Variants in CTNNA2 observed in about 807,000 individuals in gnomAD.
CTNNA2 encodes catenin alpha 2.
A neutral mutation model predicts 101.0 loss-of-function variants in CTNNA2; 42 were observed. The observed-to-expected ratio is 0.42, with a 90% CI of 0.32 to 0.54. The LOEUF (loss-of-function observed/expected upper bound fraction) is 0.54, where lower values mean the gene tolerates loss of function less well. CTNNA2 is among the 20% of genes least tolerant of loss of function. The pLI is 0.14. For synonymous variants in CTNNA2, 450 were observed against 456.4 expected, an observed-to-expected ratio of 0.99 and a Z score of 0.18; for missense variants, 871 against 1,223.1, an observed-to-expected ratio of 0.71 and a Z score of 4.29.
Position 79,450,737 on chromosome 2 carries a change from A to G in CTNNA2, c.-134-54317A>G, listed in dbSNP as rs545282585. Among the ~76,000 whole-genome samples the G allele has an allele frequency of 3.9e-5, 6 of 152,252 alleles. No homozygotes were observed. The South Asian group carries it at 8.3e-4, about 21-fold the overall frequency. On this transcript the variant is annotated intron_variant, in intron 4 of 21. Coordinates refer to the CTNNA2 transcript ENST00000466387. ...CAAACAAGAGTTAAATTCCTATGGC[A>G]TATTTCTGGTCACAAAATATCACCA... is the stretch of plus-strand genomic sequence containing the variant.
intron 9 of CTNNA2, among the ~76,000 whole-genome samples, chr2:80,474,609 A>G (rs1685572886): frequency 6.6e-6 from 1 of 152,148 alleles, no homozygotes; most frequent in South Asian, 2.1e-4. Context: ...AACCAATAAA[A>G]TGCAAAGTCT....
At chr2:80,574,441 T>A in intron 13 of CTNNA2, 127 bp downstream of exon 13, 3 of 1,145,004 alleles carry the variant, frequency 2.6e-6, no homozygotes, top group South Asian at 2.2e-5. Context: ...TGGCTCCTTA[T>A]TAGTCAGACA....
chr2:79,284,494 T>C lies in CTNNA2; in HGVS notation c.-405-28215T>C, dbSNP rs1378579258. On this transcript the variant is annotated intron_variant, in intron 2 of 21. Transcript: ENST00000466387. The stretch of plus-strand genomic sequence containing the variant: ...AGGGTTGTTGAATTTTGTCAAAGGC[T>C]TTTTCTGCATCTATTGAGATAATCA... Among the ~76,000 whole-genome samples, 8 of 150,812 alleles carry C rather than the reference T, an allele frequency of 5.3e-5. No homozygotes were observed. The South Asian group carries it at 8.4e-4, about 16-fold the overall frequency.
intron 3 of CTNNA2, among the ~76,000 whole-genome samples, chr2:79,764,842 C>T (rs902422538): frequency 6.6e-6 from 1 of 152,180 alleles, no homozygotes; most frequent in Non-Finnish European, 1.5e-5. Context: ...GCTGACCACT[C>T]TGTCTGTCTT....
chr2:80,614,626 A>G (rs1447908330), intron 17 of CTNNA2, among the ~76,000 whole-genome samples: 1 of 151,396 alleles, frequency 6.6e-6, no homozygotes, highest in Non-Finnish European at 1.5e-5. Context: ...CCTAATTTTG[A>G]CTACTTGTTC....
intron 7 of CTNNA2, among the ~76,000 whole-genome samples, chr2:79,976,696 A>G (rs368468884): frequency 3.2e-4 from 49 of 152,356 alleles, no homozygotes; most frequent in African/African-American, 1.2e-3. Flanking sequence ...TAAAGCTTTG[A>G]GAAATTTAAT....
At chr2:80,350,817 CTG>C (rs538168196) in intron 7 of CTNNA2, among the ~76,000 whole-genome samples, 77 of 152,256 alleles carry the variant, frequency 5.1e-4, no homozygotes, top group African/African-American at 1.8e-3. Context: ...TTGAGATCCT[CTG>C]TTAATATTAA....
chr2:80,272,034 A>C (rs1359455339), intron 7 of CTNNA2, among the ~76,000 whole-genome samples: 1 of 152,212 alleles, frequency 6.6e-6, no homozygotes, highest in Non-Finnish European at 1.5e-5. Flanking sequence ...AGGAGGAAAC[A>C]CTTTTTGAAA....
At chr2:80,626,876 CCT>C (rs2149819266) in intron 18 of CTNNA2, among the ~76,000 whole-genome samples, 1 of 152,060 alleles carries the variant, frequency 6.6e-6, no homozygotes, top group Admixed American at 6.6e-5. Context: ...CCCCCTACCC[CCT>C]GACAGGCCCC....
intron 3 of CTNNA2, among the ~76,000 whole-genome samples, chr2:79,805,877 G>T (rs1435804665): frequency 1.3e-5 from 2 of 151,868 alleles, no homozygotes; most frequent in Non-Finnish European, 1.5e-5. Flanking sequence ...GGCGGAGCTT[G>T]CAGTGAGCCG....
chr2:80,342,462 C>T (rs941452560), intron 7 of CTNNA2, among the ~76,000 whole-genome samples: 2 of 152,122 alleles, frequency 1.3e-5, no homozygotes, highest in East Asian at 3.9e-4. Flanking sequence ...TTGACAGTGT[C>T]GTCAGATTGG....
At position 79,445,376 on chromosome 2, in the gene CTNNA2, C is replaced by G. The variant is rs116603582; in HGVS notation, c.-134-59678C>G. 4.5e-3 allele frequency among the ~76,000 whole-genome samples: 684 copies of G among 152,280 alleles called. 9 individuals carry two copies. Among genetic ancestry groups the G allele is most frequent in the African/African-American group, 0.016 (647 of 41,574 alleles). On this transcript the variant is annotated intron_variant, in intron 4 of 21. Transcript: ENST00000466387. ...TCTCTACTCTGATATTGATTTGTTA[C>G]ATGGCCTAGGGCCAGATGTTGAACC...
rs186477148 is a variant in CTNNA2 at position 80,127,505 on chromosome 2, G to A, written c.1056+217708G>A. Reference sequence around the variant, plus strand: ...CAGATGTGGAAATCTGTATGGCCAGGTGTGCATGTAAAAGCTAGGACATAG... The same window carrying A: ...CAGATGTGGAAATCTGTATGGCCAGATGTGCATGTAAAAGCTAGGACATAG... On this transcript the variant is annotated intron_variant, in intron 7 of 18. Coordinates refer to ENST00000402739, the MANE Select transcript of CTNNA2 (RefSeq NM_001282597.3). 8.4e-4 allele frequency among the ~76,000 whole-genome samples: 128 copies of A among 152,274 alleles called. 1 individual carries two copies. The highest frequency in any genetic ancestry group is 1.4e-3 in the Non-Finnish European group (98 of 68,014).
chr2:80,598,584 C>T (rs55663827), intron 15 of CTNNA2, among the ~76,000 whole-genome samples: 6 of 152,124 alleles, frequency 3.9e-5, no homozygotes, highest in Non-Finnish European at 4.4e-5. Flanking sequence ...ATACCATAAA[C>T]AATTACGTCA....
At position 79,207,386 on chromosome 2, in the gene CTNNA2, C is replaced by G. The variant is rs1674113063; in HGVS notation, c.-406+9310C>G. ...GCTACCCCTTAAGGTAAAGGAGAACCAGAAGTAACCCCCCATTCTGCTTCT... is the reference window on the plus strand; with the variant it reads ...GCTACCCCTTAAGGTAAAGGAGAACGAGAAGTAACCCCCCATTCTGCTTCT... On this transcript the variant is annotated intron_variant, in intron 2 of 21. Coordinates refer to the CTNNA2 transcript ENST00000466387. Among the ~76,000 whole-genome samples the G allele has an allele frequency of 2.0e-5, 3 of 152,080 alleles. No homozygotes were observed. In the South Asian group the frequency reaches 6.2e-4, roughly 32 times the overall value.
intron 3 of CTNNA2, among the ~76,000 whole-genome samples, chr2:79,831,087 A>C (rs911006814): frequency 8.6e-5 from 13 of 151,884 alleles, no homozygotes; most frequent in African/African-American, 3.1e-4. Flanking sequence ...AATTACTGTC[A>C]TTTTGATCAA....
intron 1 of CTNNA2, among the ~76,000 whole-genome samples, chr2:79,186,405 A>G (rs754099326): frequency 1.1e-4 from 16 of 152,242 alleles, no homozygotes; most frequent in Non-Finnish European, 1.8e-4. Context: ...TGAGCACTCT[A>G]CTTTTCATGG....
At chr2:79,463,828 T>A (rs1337110942) in intron 4 of CTNNA2, among the ~76,000 whole-genome samples, 1 of 152,186 alleles carries the variant, frequency 6.6e-6, no homozygotes, top group Non-Finnish European at 1.5e-5. Context: ...AGTCAAGCAC[T>A]CTAGCGCCAC....
chr2:80,550,714 T>C (rs1211544778), intron 11 of CTNNA2, among the ~76,000 whole-genome samples: 1 of 152,212 alleles, frequency 6.6e-6, no homozygotes, highest in African/African-American at 2.4e-5. Context: ...CAGTCACATC[T>C]TTAGGCTCCA....
Sources: allele counts gnomAD v4.1 joint callset (sites outside exome capture counted in the v4.1 genomes callset), GRCh38; gene constraint gnomAD v4.1.1; transcripts MANE v1.5; gene names NCBI Gene and HGNC (gene_info 2026-07-23, HGNC 2026-07-21).